Variants in ARID5B observed in about 807,000 individuals in gnomAD.
ARID5B encodes the protein AT-rich interactive domain-containing protein 5B.
A neutral mutation model predicts 97.2 loss-of-function variants in ARID5B; 13 were observed. That is an observed-to-expected ratio of 0.13 (90% CI 0.09 to 0.21). The LOEUF (loss-of-function observed/expected upper bound fraction) is 0.21, where lower values mean the gene tolerates loss of function less well. Among genes scored for constraint, ARID5B ranks in the 10% least tolerant of loss-of-function variants. The pLI is 1.00. For synonymous variants in ARID5B, 556 were observed against 570.3 expected, an observed-to-expected ratio of 0.97 and a Z score of 0.36; for missense variants, 1,210 against 1,465.3, an observed-to-expected ratio of 0.83 and a Z score of 2.84.
At chr10:61,930,004 T>A (rs1844175654) in intron 2 of ARID5B, among the ~76,000 whole-genome samples, 1 of 152,192 alleles carries the variant, frequency 6.6e-6, no homozygotes, top group South Asian at 2.1e-4. Context: ...GCATCCAAAT[T>A]GATAACAAGG....
intron 3 of ARID5B, among the ~76,000 whole-genome samples, chr10:61,955,736 C>T (rs1413707254): frequency 5.3e-5 from 8 of 152,116 alleles, no homozygotes; most frequent in Non-Finnish European, 1.2e-4. Flanking sequence ...CTGCAACCTC[C>T]GGCTCCTGGG....
At chr10:62,051,031 C>T (rs200241004) in intron 5 of ARID5B, 31 bp downstream of exon 5, 14 of 1,562,690 alleles carry the variant, frequency 9.0e-6, no homozygotes, top group African/African-American at 8.1e-5. Flanking sequence ...GTATTCATTT[C>T]GTTGCATCTT....
intron 4 of ARID5B, among the ~76,000 whole-genome samples, chr10:62,001,910 A>G (rs1188137702): frequency 6.6e-6 from 1 of 152,344 alleles, no homozygotes; most frequent in South Asian, 2.1e-4. Context: ...AAATGTATGC[A>G]ATACATTTTT....
chr10:61,951,198 A>C lies in ARID5B; in HGVS notation c.502+10790A>C, dbSNP rs186028980. Among the ~76,000 whole-genome samples, 3 of 152,364 alleles carry C rather than the reference A, an allele frequency of 2.0e-5. No individual in the cohort carries two copies. In the East Asian group the frequency reaches 5.8e-4, roughly 29 times the overall value. On this transcript the variant is annotated intron_variant, in intron 3 of 9. Transcript: ENST00000279873. ...CTTATTTTAATAAATGTATTTATTT[A>C]GGACAGACTGGAATAATAGTGGGTT...
At chr10:61,927,959 G>A (rs780202287) in intron 2 of ARID5B, among the ~76,000 whole-genome samples, 2 of 152,198 alleles carry the variant, frequency 1.3e-5, no homozygotes, top group Admixed American at 6.5e-5. Context: ...CATTAACAGA[G>A]GCCCTGGGCA....
At chr10:61,912,666 T>TTATA (rs35376293) in intron 2 of ARID5B, among the ~76,000 whole-genome samples, 9,169 of 147,274 alleles carry the variant, frequency 0.062, 342 homozygotes, top group East Asian at 0.12. Flanking sequence ...ATATGCATGT[T>TTATA]TATATATATA....
chr10:62,007,550 T>C (rs769075984), intron 4 of ARID5B, among the ~76,000 whole-genome samples: 13 of 152,174 alleles, frequency 8.5e-5, no homozygotes, highest in South Asian at 4.1e-4. Context: ...ATTGTGAAGA[T>C]TAAATGAGCT....
intron 8 of ARID5B, among the ~76,000 whole-genome samples, chr10:62,083,340 A>G (rs1403275412): frequency 6.7e-6 from 1 of 149,776 alleles, no homozygotes; most frequent in Non-Finnish European, 1.5e-5. Flanking sequence ...AACCGAAATG[A>G]GAATGGTGCC....
At chr10:61,960,502 TA>T (rs899581552) in intron 3 of ARID5B, among the ~76,000 whole-genome samples, 2 of 152,226 alleles carry the variant, frequency 1.3e-5, no homozygotes, top group African/African-American at 2.4e-5. Flanking sequence ...TGCTCACTTA[TA>T]AAATATTCTA....
At chr10:61,913,312 C>A (rs1003920891) in intron 2 of ARID5B, among the ~76,000 whole-genome samples, 3 of 152,138 alleles carry the variant, frequency 2.0e-5, no homozygotes, top group African/African-American at 7.2e-5. Flanking sequence ...TTGTTGATAA[C>A]GATGGTCAAG....
At chr10:61,974,953 T>C (rs945195217) in intron 3 of ARID5B, among the ~76,000 whole-genome samples, 1 of 149,404 alleles carries the variant, frequency 6.7e-6, no homozygotes, top group Non-Finnish European at 1.5e-5. Flanking sequence ...AACTGCTTAT[T>C]ACACATTTTC....
Position 61,902,266 on chromosome 10 carries a change from T to C in ARID5B, c.129T>C (p.Phe43=). The change falls in exon 2 of 10, where the codon TTT becomes TTC. Residue 43 remains phenylalanine, a synonymous_variant. Transcript: ENST00000279873. ...PRILSLGDFF[F]VRCTPKDPIC... ...TTTTGTCCCTTGGCGACTTTTTCTT[T>C]GTAAGATGTACGCCAAAGGATCCGA... 6.2e-7 allele frequency: 1 copy of C among 1,614,180 alleles called. No individual in the cohort carries two copies. The highest frequency in any genetic ancestry group is 1.3e-5 in the African/African-American group (1 of 75,034).
intron 3 of ARID5B, among the ~76,000 whole-genome samples, chr10:61,995,996 A>C (rs932574277): frequency 3.3e-5 from 5 of 152,162 alleles, no homozygotes; most frequent in African/African-American, 9.7e-5. Flanking sequence ...TGCCCCACCA[A>C]GCATTGCCAC....
At position 61,968,819 on chromosome 10, in the gene ARID5B, T is replaced by C. The variant is rs567227394; in HGVS notation, c.502+28411T>C. On this transcript the variant is annotated intron_variant, in intron 3 of 9. Coordinates refer to ENST00000279873, the MANE Select transcript of ARID5B (RefSeq NM_032199.3). ...GAGAAAGAGTGATAATTCCTGCTTT[T>C]TGCCCAGGACCTAAGAGAAACTGCT... Among the ~76,000 whole-genome samples, 6 of 152,316 alleles carry C rather than the reference T, an allele frequency of 3.9e-5. No individual in the cohort carries two copies. In the East Asian group the frequency reaches 9.6e-4, roughly 24 times the overall value.
chr10:62,072,025 G>A (rs919918335), intron 8 of ARID5B, among the ~76,000 whole-genome samples: 1 of 152,162 alleles, frequency 6.6e-6, no homozygotes, highest in South Asian at 2.1e-4. Context: ...AAGTTAACAC[G>A]GGGGCAACAA....
At position 62,000,286 on chromosome 10, in the gene ARID5B, C is replaced by T; in HGVS notation, c.698C>T (p.Thr233Ile). ...TGTCGGGACACCTTTGACCACCCGA[C>T]TCTCATAGAAAACGAGAGTATATGC... ...LYCRDTFDHP[T>I]LIENESICDE... The change falls in exon 4 of 10, where the codon ACT becomes ATT. Residue 233 changes from threonine to isoleucine, a missense_variant. Around this residue, in one of 8 missense-constraint regions of ARID5B, gnomAD observed 132 missense variants for 156.7 expected, o/e 0.84. Transcript: ENST00000279873. This position sits in a 1 kb window ranked among gnomAD's most constrained non-coding sequence, Gnocchi z 4.4. The T allele has an allele frequency of 6.2e-7, 1 of 1,612,986 alleles. No individual in the cohort carries two copies. Among genetic ancestry groups the T allele is most frequent in the East Asian group, 2.2e-5 (1 of 44,726 alleles).
At chr10:62,009,738 A>G (rs1236997808) in intron 4 of ARID5B, among the ~76,000 whole-genome samples, 1 of 152,232 alleles carries the variant, frequency 6.6e-6, no homozygotes, top group East Asian at 1.9e-4. Flanking sequence ...AGTTTGCCAT[A>G]TAACAGACAC....
intron 2 of ARID5B, among the ~76,000 whole-genome samples, chr10:61,910,408 C>T (rs1054409618): frequency 1.3e-5 from 2 of 152,210 alleles, no homozygotes; most frequent in Non-Finnish European, 2.9e-5. Flanking sequence ...TAGCTAGTGA[C>T]TACCCGTTGC....
chr10:61,969,923 A>G (rs1397214194), intron 3 of ARID5B, among the ~76,000 whole-genome samples: 1 of 152,228 alleles, frequency 6.6e-6, no homozygotes, highest in African/African-American at 2.4e-5. Context: ...TTTAAAAAAT[A>G]TAATTACACT....
Sources: gnomAD v4.1 joint callset for allele counts (sites outside exome capture counted in the v4.1 genomes callset) on GRCh38, gnomAD v4.1.1 for gene constraint, gnomAD v4.1.1 regional missense constraint, Gnocchi (gnomAD v3.1) non-coding constraint, MANE v1.5 for transcripts, NCBI Gene and HGNC (gene_info 2026-07-23, HGNC 2026-07-21) for gene names.